Variants in KLHDC10 observed in about 807,000 individuals in gnomAD.
The protein encoded by KLHDC10 is kelch domain-containing protein 10.
In KLHDC10, 24 loss-of-function variants were observed where a neutral mutation model predicts 56.1. That is an observed-to-expected ratio of 0.43 (90% CI 0.31 to 0.60). The LOEUF is 0.60. Ranked by LOEUF, KLHDC10 falls within the 20% of genes least tolerant of loss-of-function variation. The pLI is 0.11. For synonymous variants in KLHDC10, 188 were observed against 207.1 expected, an observed-to-expected ratio of 0.91 and a Z score of 0.79; for missense variants, 349 against 567.0, an observed-to-expected ratio of 0.62 and a Z score of 3.91.
intron 1 of KLHDC10, among the ~76,000 whole-genome samples, chr7:130,085,143 G>A (rs767171228): frequency 2.6e-5 from 4 of 151,372 alleles, no homozygotes; most frequent in Non-Finnish European, 5.9e-5. Context: ...GACCAGCCTG[G>A]CCAACATGGT....
chr7:130,078,273 C>T (rs1795544713), intron 1 of KLHDC10, among the ~76,000 whole-genome samples: 1 of 151,830 alleles, frequency 6.6e-6, no homozygotes, highest in Non-Finnish European at 1.5e-5. Context: ...GCTCAGGAGG[C>T]TGAGGCAGGA....
chr7:130,096,933 T>G lies in KLHDC10; in HGVS notation c.179T>G (p.Ile60Arg), dbSNP rs1364471403. ...GRPHLPGKKK[I>R]RWDPVRRRFI... ...ATTGTGGTAACAGGTAAGAAGAAAA[T>G]ACGATGGGACCCAGTTAGGAGGCGC... Residue 60 changes from isoleucine (I) to arginine (R), a missense_variant, in exon 2 of 10, where the codon ATA (isoleucine) becomes AGA (arginine). Transcript: ENST00000335420. The G allele has an allele frequency of 6.2e-7, 1 of 1,610,790 alleles. No homozygotes were observed. The highest frequency in any genetic ancestry group is 2.2e-5 in the East Asian group (1 of 44,842).
intron 1 of KLHDC10, among the ~76,000 whole-genome samples, chr7:130,084,750 C>G (rs1389180913): frequency 6.7e-6 from 1 of 148,522 alleles, no homozygotes; most frequent in East Asian, 2.0e-4. Context: ...GCACTCCAGT[C>G]TAGGTGACAG....
intron 5 of KLHDC10, among the ~76,000 whole-genome samples, chr7:130,122,740 C>T (rs569078734): frequency 1.1e-4 from 16 of 152,212 alleles, no homozygotes; most frequent in East Asian, 7.7e-4. Context: ...CAGATGAGGC[C>T]GCACCGTGTT....
intron 2 of KLHDC10, among the ~76,000 whole-genome samples, chr7:130,099,318 G>T (rs1563100696): frequency 6.6e-6 from 1 of 152,028 alleles, no homozygotes; most frequent in Non-Finnish European, 1.5e-5. Flanking sequence ...CATTCTTTCA[G>T]TATTTCTTGA....
chr7:130,126,837 C>A (rs1431717633), intron 7 of KLHDC10, among the ~76,000 whole-genome samples: 3 of 149,612 alleles, frequency 2.0e-5, no homozygotes, highest in Non-Finnish European at 3.0e-5. Flanking sequence ...TAAAGATCTA[C>A]CGGCTGGGTA....
intron 2 of KLHDC10, among the ~76,000 whole-genome samples, chr7:130,114,523 G>A (rs1202065147): frequency 2.0e-5 from 3 of 152,246 alleles, no homozygotes; most frequent in East Asian, 3.9e-4. Flanking sequence ...CAATTAGAAA[G>A]AACCTGGATT....
chr7:130,128,179 T>G (rs1183154235), intron 8 of KLHDC10, among the ~76,000 whole-genome samples: 1 of 152,238 alleles, frequency 6.6e-6, no homozygotes. Flanking sequence ...CTGGATAAGA[T>G]TTATAGATAA....
intron 1 of KLHDC10, among the ~76,000 whole-genome samples, chr7:130,077,116 A>T (rs1795515448): frequency 6.6e-6 from 1 of 152,144 alleles, no homozygotes; most frequent in African/African-American, 2.4e-5. Context: ...ACACTTTGGG[A>T]TGCTGAGGCA....
Position 130,120,908 on chromosome 7 carries a change from C to A in KLHDC10, c.630+5C>A, listed in dbSNP as rs192084216. On this transcript the variant is annotated splice_donor_5th_base_variant and intron_variant, in intron 4 of 9. Transcript: ENST00000335420. This position sits in a 1 kb window ranked among gnomAD's most constrained non-coding sequence, Gnocchi z 5.1. ...CCCAGTCGTATATATGGACAGGTAC[C>A]AATCTGTGGCCAGTCATGGTGTATT... The A allele has an allele frequency of 3.0e-5, 48 of 1,613,098 alleles. No individual in the cohort carries two copies. The African/African-American group carries it at 4.9e-4, about 17-fold the overall frequency.
chr7:130,130,457 A>G lies in KLHDC10; in HGVS notation c.1120-80A>G, dbSNP rs1409786725. 1.9e-6 allele frequency: 2 copies of G among 1,071,236 alleles called. No individual in the cohort carries two copies. The highest frequency in any genetic ancestry group is 1.3e-5 in the South Asian group (1 of 76,570). 66.4% of individuals were successfully genotyped at this position (1,071,236 alleles called of 1,614,324 possible). A position where few individuals can be genotyped will look rare whatever the true frequency, so the allele number is the denominator to read the frequency against. On this transcript the variant is annotated intron_variant, in intron 9 of 9. Transcript: ENST00000335420. The surrounding 1 kb of genome is among the most constrained non-coding windows in gnomAD (Gnocchi z 4.2). The stretch of plus-strand genomic sequence containing the variant: ...GTTTCATTTCATTTTGATTCCATCT[A>G]CTATGCTTTTTCCCCACTGAGTCTT...
chr7:130,122,459 G>A (rs893274276), intron 5 of KLHDC10, among the ~76,000 whole-genome samples: 9 of 152,112 alleles, frequency 5.9e-5, no homozygotes, highest in African/African-American at 1.9e-4. Flanking sequence ...TCTGCATTAG[G>A]AAGATAGTAA....
At chr7:130,092,273 G>A (rs556590521) in intron 1 of KLHDC10, among the ~76,000 whole-genome samples, 36 of 152,300 alleles carry the variant, frequency 2.4e-4, no homozygotes, top group South Asian at 4.1e-4. Flanking sequence ...TCCATCTGAA[G>A]TATAGGATTA....
intron 6 of KLHDC10, among the ~76,000 whole-genome samples, chr7:130,125,619 T>A (rs1485902481): frequency 6.6e-6 from 1 of 152,194 alleles, no homozygotes; most frequent in African/African-American, 2.4e-5. Context: ...TTCCCTTGTA[T>A]TTGGAAAGAT....
At chr7:130,126,537 G>T (rs904826332) in intron 7 of KLHDC10, among the ~76,000 whole-genome samples, 2 of 151,886 alleles carry the variant, frequency 1.3e-5, no homozygotes, top group Admixed American at 1.3e-4. Context: ...TTAGCTGGGC[G>T]TGGTGGCATG....
chr7:130,125,794 A>G, intron 6 of KLHDC10, 71 bp from the exon 7 acceptor site: 1 of 1,226,740 alleles, frequency 8.2e-7, no homozygotes, highest in Non-Finnish European at 1.2e-6. Context: ...TATTTTTTAA[A>G]AAATCCTTTT....
chr7:130,128,748 T>A (rs1435210852), intron 8 of KLHDC10, among the ~76,000 whole-genome samples: 1 of 150,726 alleles, frequency 6.6e-6, no homozygotes, highest in East Asian at 1.9e-4. Context: ...TGTATTAAAA[T>A]TTTTTTTGAG....
At chr7:130,093,624 A>G (rs1324532825) in intron 1 of KLHDC10, among the ~76,000 whole-genome samples, 2 of 152,220 alleles carry the variant, frequency 1.3e-5, no homozygotes, top group Admixed American at 1.3e-4. Flanking sequence ...CAGACCAGTA[A>G]TATATTTATA....
intron 1 of KLHDC10, among the ~76,000 whole-genome samples, chr7:130,071,864 T>G (rs1795416211): frequency 6.6e-6 from 1 of 152,220 alleles, no homozygotes; most frequent in Non-Finnish European, 1.5e-5. Flanking sequence ...ATACTTCTAG[T>G]CAAAAATTAT....
Sources: gnomAD v4.1 joint callset for allele counts (sites outside exome capture counted in the v4.1 genomes callset) on GRCh38, gnomAD v4.1.1 for gene constraint, Gnocchi (gnomAD v3.1) non-coding constraint, MANE v1.5 for transcripts, NCBI Gene and HGNC (gene_info 2026-07-23, HGNC 2026-07-21) for gene names.